ITGBL1: variants seen among roughly 807,000 people sequenced by gnomAD.
ITGBL1 encodes integrin beta-like protein 1.
ITGBL1 carries 51 observed loss-of-function variants against 68.5 expected under a neutral mutation model. The ratio of observed to expected loss-of-function variants is 0.74; its 90% CI spans 0.59 to 0.94. ITGBL1 has a LOEUF of 0.94. ITGBL1 is among the 40% of genes least tolerant of loss of function. ITGBL1 has a pLI of 0.00. For synonymous variants in ITGBL1, 209 were observed against 227.3 expected, an observed-to-expected ratio of 0.92 and a Z score of 0.72; for missense variants, 649 against 647.4, an observed-to-expected ratio of 1.00 and a Z score of -0.03.
intron 3 of ITGBL1, among the ~76,000 whole-genome samples, chr13:101,572,869 G>GCT (rs1235435460): frequency 6.6e-6 from 1 of 151,876 alleles, no homozygotes; most frequent in African/African-American, 2.4e-5. Context: ...GTGACTTCCT[G>GCT]CTCTCATATT....
chr13:101,525,542 G>A (rs2049362206), intron 2 of ITGBL1, among the ~76,000 whole-genome samples: 1 of 146,078 alleles, frequency 6.8e-6, no homozygotes, highest in South Asian at 2.1e-4. Context: ...TTTTTTATGT[G>A]GAAAAAATTA....
At chr13:101,648,586 A>C (rs902365873) in intron 7 of ITGBL1, among the ~76,000 whole-genome samples, 4 of 152,194 alleles carry the variant, frequency 2.6e-5, no homozygotes, top group African/African-American at 9.7e-5. Flanking sequence ...TTATAAAAAG[A>C]CATAACAAAT....
intron 7 of ITGBL1, among the ~76,000 whole-genome samples, chr13:101,601,447 C>T (rs1007626717): frequency 1.3e-5 from 2 of 152,128 alleles, no homozygotes; most frequent in South Asian, 4.1e-4. Context: ...CAGTTCTGCT[C>T]TGATCTTAGT....
chr13:101,640,664 G>C (rs959030530), intron 7 of ITGBL1, among the ~76,000 whole-genome samples: 12 of 152,120 alleles, frequency 7.9e-5, no homozygotes, highest in African/African-American at 2.9e-4. Context: ...TACATGTGCA[G>C]GTTTGTTACA....
intron 7 of ITGBL1, among the ~76,000 whole-genome samples, chr13:101,599,756 G>A (rs1225418165): frequency 2.0e-5 from 3 of 152,218 alleles, no homozygotes; most frequent in South Asian, 2.1e-4. Flanking sequence ...TAGATATGCG[G>A]CATTATTTCT....
Position 101,495,582 on chromosome 13 carries a change from CT to C in ITGBL1, c.316+41493del, listed in dbSNP as rs879839773. Among the ~76,000 whole-genome samples, 208 of 145,788 alleles carry C rather than the reference CT, an allele frequency of 1.4e-3. 1 individual carries two copies. The highest frequency in any genetic ancestry group is 2.7e-3 in the Admixed American group (39 of 14,538). On this transcript the variant is annotated intron_variant, in intron 2 of 10. Coordinates refer to ENST00000376180, the MANE Select transcript of ITGBL1 (RefSeq NM_004791.3). The stretch of plus-strand genomic sequence containing the variant: ...TGTAGGAATCTTCTGGGTCCCCACA[CT>C]TTTTTTTTTTGTACAAAGAGGTAAC...
chr13:101,547,270 C>A (rs1033712122), intron 2 of ITGBL1, among the ~76,000 whole-genome samples: 1 of 151,652 alleles, frequency 6.6e-6, no homozygotes, highest in African/African-American at 2.4e-5. Context: ...ATGACTTTGC[C>A]ATTTTACTAG....
In ITGBL1 at chr13:101,543,335, A is replaced by G. The variant is rs536418910; in HGVS notation, c.317-24364A>G. ...CTTATAAAGCTTAGTTTGGCTGGAT[A>G]TGAAATTCTGGGTTGAAAATTCTTT... On this transcript the variant is annotated intron_variant, in intron 2 of 10. Transcript: ENST00000376180. Among the ~76,000 whole-genome samples the G allele has an allele frequency of 1.4e-3, 218 of 152,310 alleles. 2 individuals are homozygous for G. Among genetic ancestry groups the G allele is most frequent in the African/African-American group, 4.9e-3 (204 of 41,582 alleles).
At chr13:101,453,225 A>G (rs1279696592) in intron 1 of ITGBL1, among the ~76,000 whole-genome samples, 2 of 152,236 alleles carry the variant, frequency 1.3e-5, no homozygotes, top group African/African-American at 4.8e-5. Context: ...GTGTACCAGT[A>G]TCTTCTCACA....
intron 7 of ITGBL1, among the ~76,000 whole-genome samples, chr13:101,624,817 GCAT>G (rs1175464298): frequency 1.3e-5 from 2 of 152,212 alleles, no homozygotes; most frequent in Non-Finnish European, 2.9e-5. Context: ...CCAAACTGCA[GCAT>G]CATTCATGAC....
At chr13:101,707,792 G>A (rs571270722) in intron 9 of ITGBL1, among the ~76,000 whole-genome samples, 3 of 150,468 alleles carry the variant, frequency 2.0e-5, no homozygotes, top group African/African-American at 4.9e-5. Flanking sequence ...CGTGGAGGTC[G>A]CAGTAAACTG....
At chr13:101,511,678 A>C (rs980226329) in intron 2 of ITGBL1, among the ~76,000 whole-genome samples, 2 of 152,040 alleles carry the variant, frequency 1.3e-5, no homozygotes, top group African/African-American at 4.8e-5. Context: ...CATACATCCT[A>C]TAGCCACAAG....
At chr13:101,709,856 T>G (rs980894847) in intron 9 of ITGBL1, among the ~76,000 whole-genome samples, 1 of 152,232 alleles carries the variant, frequency 6.6e-6, no homozygotes, top group African/African-American at 2.4e-5. Context: ...GGGTAACAAA[T>G]AGCAGTCTTC....
At position 101,518,335 on chromosome 13, in the gene ITGBL1, A is replaced by G. The variant is rs865979789; in HGVS notation, c.317-49364A>G. Among the ~76,000 whole-genome samples, 5 of 152,346 alleles carry G rather than the reference A, an allele frequency of 3.3e-5. No individual in the cohort carries two copies. The South Asian group carries it at 1.0e-3, about 32-fold the overall frequency. On this transcript the variant is annotated intron_variant, in intron 2 of 10. Coordinates refer to ENST00000376180, the MANE Select transcript of ITGBL1 (RefSeq NM_004791.3). Reference sequence around the variant, plus strand: ...ACCATCAATCGTTATGTTAAGATACATAATACATGAAGTGTTCATATACAT... The same window carrying G: ...ACCATCAATCGTTATGTTAAGATACGTAATACATGAAGTGTTCATATACAT...
chr13:101,499,268 C>G (rs1203170388), intron 2 of ITGBL1, among the ~76,000 whole-genome samples: 3 of 152,192 alleles, frequency 2.0e-5, no homozygotes, highest in Non-Finnish European at 4.4e-5. Context: ...GCTTTACAAA[C>G]TTTATCCTAG....
chr13:101,574,989 T>G (rs2050333155), intron 3 of ITGBL1, among the ~76,000 whole-genome samples: 1 of 152,172 alleles, frequency 6.6e-6, no homozygotes, highest in Admixed American at 6.5e-5. Context: ...ATTTATTATA[T>G]AAATAGTATG....
In ITGBL1 at chr13:101,476,914, C is replaced by A. The variant is rs115205595; in HGVS notation, c.316+22814C>A. 9.5e-3 allele frequency among the ~76,000 whole-genome samples: 1,442 copies of A among 152,066 alleles called. 22 individuals are homozygous for A. Among genetic ancestry groups the A allele is most frequent in the African/African-American group, 0.033 (1,364 of 41,502 alleles). ...CAATAAGAGCTAAAGACTTTAACACCCCACTTTCAGCATTGGACAGATCAT... is the reference window on the plus strand; with the variant it reads ...CAATAAGAGCTAAAGACTTTAACACACCACTTTCAGCATTGGACAGATCAT... On this transcript the variant is annotated intron_variant, in intron 2 of 10. Transcript: ENST00000376180.
intron 2 of ITGBL1, among the ~76,000 whole-genome samples, chr13:101,494,667 A>G (rs954027398): frequency 2.6e-5 from 4 of 152,182 alleles, no homozygotes; most frequent in African/African-American, 4.8e-5. Context: ...AAAATAAATG[A>G]TAGCATATTA....
intron 2 of ITGBL1, among the ~76,000 whole-genome samples, chr13:101,489,144 T>C (rs1034799672): frequency 4.6e-5 from 7 of 152,228 alleles, no homozygotes; most frequent in African/African-American, 9.6e-5. Flanking sequence ...TGTTTTAAAA[T>C]GTGTTACAAG....
Sources: gnomAD v4.1 joint callset for allele counts (sites outside exome capture counted in the v4.1 genomes callset) on GRCh38, gnomAD v4.1.1 for gene constraint, MANE v1.5 for transcripts, NCBI Gene and HGNC (gene_info 2026-07-23, HGNC 2026-07-21) for gene names.